The following ATRN variants were observed in gnomAD, a reference collection of about 807,000 sequenced individuals.
ATRN encodes the protein attractin-2.
ATRN carries 54 observed loss-of-function variants against 178.7 expected under a neutral mutation model. That is an observed-to-expected ratio of 0.30 (90% CI 0.24 to 0.38). The LOEUF is 0.38. ATRN is among the 10% of genes least tolerant of loss of function. The pLI is 1.00. For synonymous variants in ATRN, 636 were observed against 663.0 expected (o/e 0.96, Z 0.63); for missense variants, 1,443 against 1,815.1 (o/e 0.79, Z 3.73).
intron 4 of ATRN, among the ~76,000 whole-genome samples, 200 bp downstream of exon 4, chr20:3,546,090 C>A (rs1403779721): frequency 6.6e-6 from 1 of 152,130 alleles, no homozygotes; most frequent in Non-Finnish European, 1.5e-5. Context: ...AGGAAACTGG[C>A]AGGAAAAGGT....
intron 6 of ATRN, among the ~76,000 whole-genome samples, chr20:3,555,159 G>A (rs1021336451): frequency 2.1e-4 from 32 of 151,836 alleles, no homozygotes; most frequent in Non-Finnish European, 3.7e-4. Flanking sequence ...CCGCCACCTC[G>A]CCCGGCTAAT....
chr20:3,501,708 C>G (rs1460826452), intron 1 of ATRN, among the ~76,000 whole-genome samples: 2 of 152,144 alleles, frequency 1.3e-5, no homozygotes, highest in African/African-American at 4.8e-5. Flanking sequence ...GGGGCGAGGG[C>G]CAACTTTTGG....
chr20:3,601,947 T>C (rs573534454), intron 23 of ATRN, among the ~76,000 whole-genome samples: 1 of 152,206 alleles, frequency 6.6e-6, no homozygotes, highest in African/African-American at 2.4e-5. Context: ...GTTTGAAATT[T>C]GTCCATTAAA....
intron 28 of ATRN, 24 bp downstream of exon 28, chr20:3,644,292 A>T (rs2146328505): frequency 6.4e-7 from 1 of 1,557,878 alleles, no homozygotes; most frequent in East Asian, 2.2e-5. Context: ...GTCCAGCGAA[A>T]GACACCTTCT....
chr20:3,609,560 G>A (rs1863978195), intron 24 of ATRN, among the ~76,000 whole-genome samples: 1 of 152,098 alleles, frequency 6.6e-6, no homozygotes, highest in African/African-American at 2.4e-5. Flanking sequence ...TTGATAACTT[G>A]TTGATGCTGT....
intron 18 of ATRN, among the ~76,000 whole-genome samples, chr20:3,587,321 A>G (rs2086371577): frequency 6.6e-6 from 1 of 152,124 alleles, no homozygotes; most frequent in African/African-American, 2.4e-5. Flanking sequence ...AGGATCACAT[A>G]GATTTGCTCC....
Position 3,645,985 on chromosome 20 carries a change from A to G in ATRN, c.4166-738A>G, listed in dbSNP as rs1170986750. Among the ~76,000 whole-genome samples the G allele has an allele frequency of 6.6e-6, 1 of 152,196 alleles. No individual in the cohort carries two copies. The highest frequency in any genetic ancestry group is 2.4e-5 in the African/African-American group (1 of 41,458). ...CCCAAAGCAAAGTGGGCGGCGGGGCAGTGATGAGCATAAAGGGTAGTTGCT... is the reference window on the plus strand; with the variant it reads ...CCCAAAGCAAAGTGGGCGGCGGGGCGGTGATGAGCATAAAGGGTAGTTGCT... On this transcript the variant is annotated intron_variant, in intron 28 of 28. Transcript: ENST00000262919. This position sits in a 1 kb window ranked among gnomAD's most constrained non-coding sequence, Gnocchi z 4.7.
intron 1 of ATRN, among the ~76,000 whole-genome samples, chr20:3,476,737 G>A (rs897699168): frequency 1.3e-5 from 2 of 152,212 alleles, no homozygotes; most frequent in African/African-American, 4.8e-5. Flanking sequence ...GCGAGCGCCT[G>A]TAATCCCAGC....
chr20:3,623,434 G>A (rs1274623708), intron 24 of ATRN, among the ~76,000 whole-genome samples: 1 of 152,082 alleles, frequency 6.6e-6, no homozygotes, highest in East Asian at 1.9e-4. Flanking sequence ...ATTTATTTAT[G>A]GAATGTCAAA....
chr20:3,524,929 C>G (rs2085344330), intron 1 of ATRN, among the ~76,000 whole-genome samples: 1 of 152,146 alleles, frequency 6.6e-6, no homozygotes. Flanking sequence ...AAATTTATAG[C>G]ACTAAATGCC....
chr20:3,553,874 T>A (rs1490273722), intron 6 of ATRN, among the ~76,000 whole-genome samples: 1 of 152,192 alleles, frequency 6.6e-6, no homozygotes, highest in Non-Finnish European at 1.5e-5. Context: ...ATAGTCCTCA[T>A]TTTCTTTATG....
chr20:3,624,715 G>A (rs1037821782), intron 25 of ATRN, 143 bp downstream of exon 25: 2 of 723,214 alleles, frequency 2.8e-6, no homozygotes, highest in African/African-American at 3.6e-5. Context: ...TTCCTGAAAA[G>A]TTAGATGTCA....
At chr20:3,625,984 C>T (rs750398122) in intron 25 of ATRN, among the ~76,000 whole-genome samples, 6 of 152,138 alleles carry the variant, frequency 3.9e-5, no homozygotes, top group Non-Finnish European at 7.3e-5. Flanking sequence ...GTATTTCTAG[C>T]ACTTTGGGAG....
chr20:3,555,090 C>T (rs796127875), intron 6 of ATRN, among the ~76,000 whole-genome samples: 1 of 148,112 alleles, frequency 6.8e-6, no homozygotes, highest in East Asian at 2.0e-4. Flanking sequence ...AGGCTCCGCC[C>T]CCTGGGGTTC....
chr20:3,574,231 G>A (rs868837177), intron 12 of ATRN, among the ~76,000 whole-genome samples: 8 of 152,272 alleles, frequency 5.3e-5, no homozygotes, highest in Middle Eastern at 3.4e-3. Flanking sequence ...AACACCCAGG[G>A]CCAGCCACAG....
intron 24 of ATRN, among the ~76,000 whole-genome samples, chr20:3,617,680 A>G (rs1211378932): frequency 1.3e-5 from 2 of 152,088 alleles, no homozygotes; most frequent in African/African-American, 2.4e-5. Flanking sequence ...AAATTACACA[A>G]TGAAAAGAAT....
intron 1 of ATRN, among the ~76,000 whole-genome samples, chr20:3,485,764 G>A (rs1334905105): frequency 2.0e-5 from 3 of 151,832 alleles, no homozygotes; most frequent in African/African-American, 7.3e-5. Context: ...TGGGATTACA[G>A]GTGCCTGCCA....
At chr20:3,533,922 G>T (rs555979964) in intron 1 of ATRN, among the ~76,000 whole-genome samples, 12 of 152,206 alleles carry the variant, frequency 7.9e-5, no homozygotes, top group African/African-American at 2.4e-4. Context: ...CCTCCAAACT[G>T]CTGTGATTTC....
At position 3,638,293 on chromosome 20, in the gene ATRN, C is replaced by T. The variant is rs2087040993; in HGVS notation, c.3943-535C>T. On this transcript the variant is annotated intron_variant, in intron 26 of 28. Transcript: ENST00000262919. This position sits in a 1 kb window ranked among gnomAD's most constrained non-coding sequence, Gnocchi z 4.5. ...TGCTCTCCCTCCCCTTGCTCCCCACCCCTGACAGGCCCCAGTGTGTGATGT... is the reference window on the plus strand; with the variant it reads ...TGCTCTCCCTCCCCTTGCTCCCCACTCCTGACAGGCCCCAGTGTGTGATGT... 6.6e-6 allele frequency among the ~76,000 whole-genome samples: 1 copy of T among 152,064 alleles called. No homozygotes were observed. The highest frequency in any genetic ancestry group is 1.5e-5 in the Non-Finnish European group (1 of 68,026).
Sources: gnomAD v4.1 joint callset for allele counts (sites outside exome capture counted in the v4.1 genomes callset) on GRCh38, gnomAD v4.1.1 for gene constraint, Gnocchi (gnomAD v3.1) non-coding constraint, MANE v1.5 for transcripts, NCBI Gene and HGNC (gene_info 2026-07-23, HGNC 2026-07-21) for gene names.